Variants in PLCZ1 observed in about 807,000 individuals in gnomAD.
The protein encoded by PLCZ1 is phospholipase C zeta 1, also known as 1-phosphatidylinositol 4,5-bisphosphate phosphodiesterase zeta-1.
Under a neutral mutation model 76.8 loss-of-function variants are expected in PLCZ1, and 64 were observed. The ratio of observed to expected loss-of-function variants is 0.83; its 90% CI spans 0.68 to 1.03. The LOEUF is 1.03. Ranked by LOEUF, PLCZ1 falls within the 50% of genes least tolerant of loss-of-function variation. The pLI, the probability that PLCZ1 is intolerant of heterozygous loss-of-function variation, is 0.00. For missense variants in PLCZ1, 751 were observed against 713.7 expected (o/e 1.05, Z -0.60); for synonymous variants, 248 against 230.8 (o/e 1.07, Z -0.68).
At chr12:18,691,246 G>A (rs1005415942) in intron 12 of PLCZ1, among the ~76,000 whole-genome samples, 5 of 152,086 alleles carry the variant, frequency 3.3e-5, no homozygotes, top group Non-Finnish European at 5.9e-5. Context: ...GGAAGAATGG[G>A]GCAATTTGTT....
chr12:18,671,649 A>T, the PLCZ1 span, among the ~76,000 whole-genome samples: 1 of 150,428 alleles, frequency 6.6e-6, no homozygotes, highest in Admixed American at 6.6e-5. Context: ...TATTGGATAT[A>T]AAAAAAAATT....
chr12:18,646,768 C>T, the PLCZ1 span, among the ~76,000 whole-genome samples: 3 of 152,118 alleles, frequency 2.0e-5, no homozygotes, highest in South Asian at 2.1e-4. Flanking sequence ...CAGATTTCCA[C>T]TCAGCTCTCT....
rs1957525570 is a variant in PLCZ1, at chr12:18,713,040, A to G, written c.570-54T>C. 5.0e-6 allele frequency: 8 copies of G among 1,595,194 alleles called. No homozygotes were observed. The Admixed American group carries it at 8.4e-5, about 17-fold the overall frequency. ...TACTCCTGGACCATTAAAAATATAT[A>G]CCAAAGTATTAAAATATTCCAAAGA... On this transcript the variant is annotated intron_variant, in intron 5 of 14. Transcript: ENST00000266505.
the PLCZ1 span, among the ~76,000 whole-genome samples, chr12:18,658,335 G>T: frequency 6.6e-6 from 1 of 152,074 alleles, no homozygotes; most frequent in African/African-American, 2.4e-5. Flanking sequence ...ACATCCAAGA[G>T]GCTCAACAAA....
At chr12:18,712,815 T>A (rs369823512) in intron 6 of PLCZ1, 27 bp downstream of exon 6, 2 of 1,610,038 alleles carry the variant, frequency 1.2e-6, no homozygotes, top group African/African-American at 1.3e-5. Flanking sequence ...TTTAAATAGC[T>A]ACAGTTGAAC....
the PLCZ1 span, among the ~76,000 whole-genome samples, chr12:18,648,684 G>T: frequency 6.6e-6 from 1 of 151,818 alleles, no homozygotes; most frequent in Non-Finnish European, 1.5e-5. Flanking sequence ...GTTATGCCTG[G>T]ACTCCAAGAT....
At chr12:18,658,243 G>A in the PLCZ1 span, among the ~76,000 whole-genome samples, 1 of 152,028 alleles carries the variant, frequency 6.6e-6, no homozygotes. Context: ...CATCCCAGAA[G>A]ATAAGAGAGA....
the PLCZ1 span, among the ~76,000 whole-genome samples, chr12:18,677,901 G>A: frequency 1.3e-5 from 2 of 151,998 alleles, no homozygotes; most frequent in Admixed American, 6.6e-5. Context: ...GTGAGCATGT[G>A]TATCCATATT....
At chr12:18,697,506 ACATAATATGATTT>A in intron 10 of PLCZ1, among the ~76,000 whole-genome samples, 1 of 152,252 alleles carries the variant, frequency 6.6e-6, no homozygotes, top group East Asian at 1.9e-4. Context: ...AGGTCTCATA[ACATAATATGATTT>A]TGTTATTTCT....
intron 13 of PLCZ1, among the ~76,000 whole-genome samples, chr12:18,687,200 G>T (rs914682751): frequency 2.0e-5 from 3 of 152,100 alleles, no homozygotes; most frequent in African/African-American, 7.2e-5. Flanking sequence ...TTTCGCTCTA[G>T]AAGCCACACT....
Position 18,689,229 on chromosome 12 carries a change from C to A in PLCZ1, c.1462-1011G>T, listed in dbSNP as rs555961428. Reference sequence around the variant, plus strand: ...TAAATATCACTTTACAGGTAATAGACCCTTCCCAAAATGGAGTAGGTTCAG... The same window carrying A: ...TAAATATCACTTTACAGGTAATAGAACCTTCCCAAAATGGAGTAGGTTCAG... On this transcript the variant is annotated intron_variant, in intron 12 of 14. Transcript: ENST00000266505. Among the ~76,000 whole-genome samples the A allele has an allele frequency of 4.0e-4, 61 of 152,132 alleles. No homozygotes were observed. In the South Asian group the frequency reaches 0.012, roughly 31 times the overall value.
At chr12:18,654,236 T>C in the PLCZ1 span, among the ~76,000 whole-genome samples, 4 of 149,118 alleles carry the variant, frequency 2.7e-5, no homozygotes, top group Non-Finnish European at 5.9e-5. Context: ...TTGAAGAAGG[T>C]AATAGAAAAG....
At chr12:18,696,319 CCA>C in intron 10 of PLCZ1, 53 bp from the exon 11 acceptor site, 6 of 320,568 alleles carry the variant, frequency 1.9e-5, no homozygotes, top group Admixed American at 1.0e-4. Flanking sequence ...ATTTAAAAAG[CCA>C]CTATATATAT....
intron 3 of PLCZ1, among the ~76,000 whole-genome samples, chr12:18,727,370 A>C (rs889831511): frequency 6.6e-5 from 10 of 152,122 alleles, no homozygotes; most frequent in African/African-American, 2.4e-4. Flanking sequence ...CATTTTAAAA[A>C]TAAAATAAAT....
chr12:18,651,285 C>T, the PLCZ1 span, among the ~76,000 whole-genome samples: 1 of 152,054 alleles, frequency 6.6e-6, no homozygotes, highest in Non-Finnish European at 1.5e-5. Flanking sequence ...AAATCCTGCT[C>T]AGATGTCTCC....
intron 3 of PLCZ1, among the ~76,000 whole-genome samples, chr12:18,729,805 G>T (rs891802586): frequency 2.6e-5 from 4 of 152,098 alleles, no homozygotes; most frequent in Admixed American, 2.0e-4. Flanking sequence ...GTAGAAAGAA[G>T]TTCAGAATAT....
the PLCZ1 span, among the ~76,000 whole-genome samples, chr12:18,676,459 A>G: frequency 2.2e-4 from 33 of 152,180 alleles, no homozygotes; most frequent in Admixed American, 8.5e-4. Flanking sequence ...AAATGCCTGC[A>G]TTTGCCTTGC....
the PLCZ1 span, among the ~76,000 whole-genome samples, chr12:18,650,102 G>T: frequency 6.6e-6 from 1 of 151,872 alleles, no homozygotes; most frequent in Non-Finnish European, 1.5e-5. Flanking sequence ...GTAACAAACT[G>T]CCAACTCAAT....
intron 13 of PLCZ1, chr12:18,685,738 A>G: frequency 2.2e-6 from 1 of 463,184 alleles, no homozygotes; most frequent in Non-Finnish European, 4.4e-6. Flanking sequence ...ACATCTGCAG[A>G]AATGTTTATA....
Sources: allele counts gnomAD v4.1 joint callset (sites outside exome capture counted in the v4.1 genomes callset), GRCh38; gene constraint gnomAD v4.1.1; transcripts MANE v1.5; gene names NCBI Gene and HGNC (gene_info 2026-07-23, HGNC 2026-07-21).